FGD4: variants seen among roughly 807,000 people sequenced by gnomAD.
FGD4 encodes the protein FYVE, RhoGEF and PH domain containing 4, also known as FYVE, RhoGEF and PH domain-containing protein 4.
In FGD4, 42 loss-of-function variants were observed where a neutral mutation model predicts 102.0. The ratio of observed to expected loss-of-function variants is 0.41; its 90% CI spans 0.32 to 0.53. The LOEUF is 0.53. FGD4 is among the 20% of genes least tolerant of loss of function. FGD4 has a pLI of 0.21. For synonymous variants in FGD4, 380 were observed against 375.7 expected, an observed-to-expected ratio of 1.01 and a Z score of -0.13; for missense variants, 902 against 1,078.2, an observed-to-expected ratio of 0.84 and a Z score of 2.29.
chr12:32,423,027 C>G (rs189862436), intron 1 of FGD4, among the ~76,000 whole-genome samples: 44 of 152,256 alleles, frequency 2.9e-4, no homozygotes, highest in Non-Finnish European at 5.4e-4. Context: ...AATCTCTGTA[C>G]TTTTCTGTCT....
Position 32,565,205 on chromosome 12 carries a change from T to G in FGD4, c.319+916T>G, listed in dbSNP as rs11052077. Among the ~76,000 whole-genome samples, 1,164 of 152,336 alleles carry G rather than the reference T, an allele frequency of 7.6e-3. 15 individuals carry two copies. Among genetic ancestry groups the G allele is most frequent in the African/African-American group, 0.025 (1,039 of 41,574 alleles). On this transcript the variant is annotated intron_variant, in intron 2 of 16. Transcript: ENST00000534526. Reference sequence around the variant, plus strand: ...GGTGTTATTCCTTAAAGTTGTATGTTTTAAGGATTTCTGAAAGAAAATTTT... The same window carrying G: ...GGTGTTATTCCTTAAAGTTGTATGTGTTAAGGATTTCTGAAAGAAAATTTT...
At chr12:32,621,102 T>C (rs1949816423) in intron 11 of FGD4, among the ~76,000 whole-genome samples, 2 of 151,974 alleles carry the variant, frequency 1.3e-5, no homozygotes, top group Admixed American at 6.5e-5. Context: ...AAGCTGGGCT[T>C]GGTGGCTCAC....
intron 2 of FGD4, among the ~76,000 whole-genome samples, chr12:32,567,966 G>A (rs1293718542): frequency 6.6e-6 from 1 of 152,178 alleles, no homozygotes; most frequent in Non-Finnish European, 1.5e-5. Context: ...GGGATTACAG[G>A]CATGAGCCAC....
chr12:32,435,244 G>A lies in FGD4; in HGVS notation c.166+35285G>A, dbSNP rs1307315237. Among the ~76,000 whole-genome samples, 4 of 152,140 alleles carry A rather than the reference G, an allele frequency of 2.6e-5. No homozygotes were observed. In the East Asian group the frequency reaches 5.8e-4, roughly 22 times the overall value. On this transcript the variant is annotated intron_variant, in intron 1 of 16. Transcript: ENST00000534526. Reference sequence around the variant, plus strand: ...TTACAGGTGTGAGCCACCGTGCCTGGCCACTTCATTTCTTTAAAGTGAAAT... The same window carrying A: ...TTACAGGTGTGAGCCACCGTGCCTGACCACTTCATTTCTTTAAAGTGAAAT...
intron 2 of FGD4, among the ~76,000 whole-genome samples, chr12:32,573,278 G>A (rs1945834009): frequency 6.6e-6 from 1 of 152,140 alleles, no homozygotes; most frequent in South Asian, 2.1e-4. Flanking sequence ...TGTATTTTTA[G>A]TAGAGACGAG....
intron 1 of FGD4, among the ~76,000 whole-genome samples, chr12:32,487,921 G>A (rs1943961571): frequency 6.6e-6 from 1 of 152,144 alleles, no homozygotes; most frequent in Non-Finnish European, 1.5e-5. Context: ...AAAGTGGAAT[G>A]GAAGCCATAG....
Position 32,643,555 on chromosome 12 carries a change from A to G in FGD4, c.*3022A>G, listed in dbSNP as rs575960786. 5 of 152,170 alleles carry G rather than the reference A, an allele frequency of 3.3e-5. No homozygotes were observed. The East Asian group carries it at 5.8e-4, about 18-fold the overall frequency. 9.4% of individuals were successfully genotyped at this position (152,170 alleles called of 1,614,324 possible). ...AATTTGACATCAGGTTTGTGTACTT[A>G]TCTTCACTAGGTGACTTAACTTACC... On this transcript the variant is annotated 3_prime_UTR_variant, in exon 17 of 17. Coordinates refer to ENST00000534526, the MANE Select transcript of FGD4 (RefSeq NM_001370298.3).
chr12:32,509,769 A>G (rs1313690936), intron 1 of FGD4, among the ~76,000 whole-genome samples: 2 of 152,234 alleles, frequency 1.3e-5, no homozygotes, highest in East Asian at 3.9e-4. Flanking sequence ...AAGGAGCTGG[A>G]CCCTGGACAG....
intron 1 of FGD4, among the ~76,000 whole-genome samples, chr12:32,531,462 TC>T (rs1941816872): frequency 6.6e-6 from 1 of 152,196 alleles, no homozygotes; most frequent in Non-Finnish European, 1.5e-5. Flanking sequence ...TTATGAAAAG[TC>T]AGTTCCCTTA....
chr12:32,492,036 T>C (rs920033381), intron 1 of FGD4, among the ~76,000 whole-genome samples: 4 of 152,200 alleles, frequency 2.6e-5, no homozygotes, highest in African/African-American at 9.6e-5. Flanking sequence ...GTGAACAGCA[T>C]TTTGGAGACT....
intron 3 of FGD4, chr12:32,579,682 G>A (rs1392997499): frequency 6.6e-6 from 1 of 152,198 alleles, no homozygotes; most frequent in Non-Finnish European, 1.5e-5. Flanking sequence ...AATCTCTAAA[G>A]ACTACTTGGG....
intron 4 of FGD4, 133 bp downstream of exon 4, chr12:32,582,600 C>T: frequency 8.5e-7 from 1 of 1,175,490 alleles, no homozygotes; most frequent in Admixed American, 2.0e-5. Flanking sequence ...GATTTTCAAG[C>T]TCTGGCTGCT....
In FGD4 at chr12:32,645,657, A is replaced by G; in HGVS notation, c.*5124A>G. ...ATGCCTGTAATCCCAGCTACTCGGG[A>G]GGTTGAGGCAGGAGAATTGCTTGAA... On this transcript the variant is annotated 3_prime_UTR_variant, in exon 17 of 17. Coordinates refer to ENST00000534526, the MANE Select transcript of FGD4 (RefSeq NM_001370298.3). The G allele has an allele frequency of 6.6e-6, 1 of 152,404 alleles. No individual in the cohort carries two copies. The highest frequency in any genetic ancestry group is 1.5e-5 in the Non-Finnish European group (1 of 68,096). The allele number at this position is 152,404 out of a possible 1,614,324, so 9.4% of individuals were successfully genotyped here. A position where few individuals can be genotyped will look rare whatever the true frequency, so the allele number is the denominator to read the frequency against.
At chr12:32,556,028 G>C (rs1424982970) in intron 1 of FGD4, among the ~76,000 whole-genome samples, 1 of 151,950 alleles carries the variant, frequency 6.6e-6, no homozygotes, top group Non-Finnish European at 1.5e-5. Flanking sequence ...TTTTTGTAGA[G>C]ATAGTGTCTT....
intron 3 of FGD4, among the ~76,000 whole-genome samples, chr12:32,580,886 CAAAAAAA>C (rs533419575): frequency 1.4e-5 from 1 of 72,140 alleles, no homozygotes; most frequent in Admixed American, 1.6e-4. Flanking sequence ...GACTCCGTCT[CAAAAAAA>C]AAAAAAAAAA....
chr12:32,483,787 C>G (rs1348362932), intron 1 of FGD4, among the ~76,000 whole-genome samples: 3 of 152,104 alleles, frequency 2.0e-5, no homozygotes, highest in Admixed American at 6.6e-5. Flanking sequence ...GAGGACACAC[C>G]CAGCCCTTAG....
At chr12:32,558,727 G>A (rs1357702538) in intron 1 of FGD4, among the ~76,000 whole-genome samples, 1 of 152,230 alleles carries the variant, frequency 6.6e-6, no homozygotes, top group East Asian at 1.9e-4. Context: ...ACAGATAAAG[G>A]AAAGTTAAGC....
At chr12:32,614,036 T>C (rs1306963051) in intron 10 of FGD4, among the ~76,000 whole-genome samples, 1 of 152,148 alleles carries the variant, frequency 6.6e-6, no homozygotes, top group African/African-American at 2.4e-5. Flanking sequence ...TCCACATCCT[T>C]TTGCTAGGAA....
At chr12:32,522,505 T>C (rs1940653409) in intron 1 of FGD4, among the ~76,000 whole-genome samples, 1 of 152,186 alleles carries the variant, frequency 6.6e-6, no homozygotes, top group Non-Finnish European at 1.5e-5. Flanking sequence ...AAGCCTTCCT[T>C]CTTCTCTCTC....
Sources: gnomAD v4.1 joint callset for allele counts (sites outside exome capture counted in the v4.1 genomes callset) on GRCh38, gnomAD v4.1.1 for gene constraint, MANE v1.5 for transcripts, NCBI Gene and HGNC (gene_info 2026-07-23, HGNC 2026-07-21) for gene names.